HOOK3: variants seen among roughly 807,000 people sequenced by gnomAD.
The protein encoded by HOOK3 is hook microtubule tethering protein 3.
A neutral mutation model predicts 116.3 loss-of-function variants in HOOK3; 24 were observed. That is an observed-to-expected ratio of 0.21 (90% confidence interval 0.15 to 0.29). HOOK3 has a LOEUF of 0.29. Among genes scored for constraint, HOOK3 ranks in the 10% least tolerant of loss-of-function variants. HOOK3 has a pLI of 1.00. For synonymous variants in HOOK3, 275 were observed against 283.0 expected, an observed-to-expected ratio of 0.97 and a Z score of 0.28; for missense variants, 632 against 830.2, an observed-to-expected ratio of 0.76 and a Z score of 2.93.
chr8:42,921,899 C>T (rs889827738), intron 2 of HOOK3, among the ~76,000 whole-genome samples: 3 of 152,194 alleles, frequency 2.0e-5, no homozygotes, highest in African/African-American at 7.2e-5. Context: ...TTGTCCAGTA[C>T]TTGGTGAGGC....
intron 19 of HOOK3, among the ~76,000 whole-genome samples, chr8:43,012,092 A>G (rs1809624849): frequency 1.3e-5 from 2 of 152,212 alleles, no homozygotes; most frequent in African/African-American, 4.8e-5. Flanking sequence ...AGTCTAGCAG[A>G]CCAGATCAGA....
intron 13 of HOOK3, among the ~76,000 whole-genome samples, chr8:42,976,817 A>C (rs1486640303): frequency 6.6e-6 from 1 of 152,198 alleles, no homozygotes; most frequent in African/African-American, 2.4e-5. Flanking sequence ...GAATGGCGTG[A>C]ACCCGGGAGG....
chr8:42,987,178 C>A (rs1354199503), intron 15 of HOOK3, among the ~76,000 whole-genome samples: 4 of 152,114 alleles, frequency 2.6e-5, no homozygotes, highest in South Asian at 2.1e-4. Flanking sequence ...AACAAACAAA[C>A]AAAAAAACCA....
intron 15 of HOOK3, among the ~76,000 whole-genome samples, chr8:42,993,511 T>C (rs1238914850): frequency 6.6e-6 from 1 of 152,192 alleles, no homozygotes; most frequent in African/African-American, 2.4e-5. Flanking sequence ...CAGGGTAATA[T>C]TTGCCACATA....
At chr8:42,960,096 TGCTA>T (rs1001236950) in intron 8 of HOOK3, among the ~76,000 whole-genome samples, 1 of 152,230 alleles carries the variant, frequency 6.6e-6, no homozygotes, top group Non-Finnish European at 1.5e-5. Context: ...TATATACAAA[TGCTA>T]AGAGTTATAC....
intron 3 of HOOK3, among the ~76,000 whole-genome samples, chr8:42,926,642 G>T (rs1807771044): frequency 1.3e-5 from 2 of 152,180 alleles, no homozygotes; most frequent in African/African-American, 4.8e-5. Context: ...GTACTAAGAG[G>T]TTATGTGTAC....
At chr8:42,941,984 G>A (rs573128115) in intron 4 of HOOK3, among the ~76,000 whole-genome samples, 1 of 152,278 alleles carries the variant, frequency 6.6e-6, no homozygotes, top group Non-Finnish European at 1.5e-5. Context: ...TCTTGGCCAG[G>A]TACGGTGACT....
intron 4 of HOOK3, among the ~76,000 whole-genome samples, chr8:42,936,683 G>A (rs1036394036): frequency 1.2e-4 from 18 of 152,200 alleles, no homozygotes. Flanking sequence ...TTTATGTGAT[G>A]TATTATGTTT....
At chr8:42,960,094 A>G (rs536150043) in intron 8 of HOOK3, among the ~76,000 whole-genome samples, 12 of 152,372 alleles carry the variant, frequency 7.9e-5, no homozygotes, top group African/African-American at 2.9e-4. Flanking sequence ...TTTATATACA[A>G]ATGCTAAGAG....
rs565604288 is a variant in HOOK3 at position 42,963,504 on chromosome 8, G to A, written c.616-807G>A. On this transcript the variant is annotated intron_variant, in intron 8 of 21. Coordinates refer to ENST00000307602, the MANE Select transcript of HOOK3 (RefSeq NM_032410.4). The stretch of plus-strand genomic sequence containing the variant: ...TTCCTAAGTCTTCGTGTGGGCGTAT[G>A]CTTTTATTTCTCTGAGTAAATACCT... Among the ~76,000 whole-genome samples, 20 of 152,334 alleles carry A rather than the reference G, an allele frequency of 1.3e-4. No individual in the cohort carries two copies. In the South Asian group the frequency reaches 4.1e-3, roughly 32 times the overall value.
At chr8:42,987,316 G>A (rs977207998) in intron 15 of HOOK3, among the ~76,000 whole-genome samples, 1 of 152,164 alleles carries the variant, frequency 6.6e-6, no homozygotes, top group African/African-American at 2.4e-5. Context: ...TTTTAGAATG[G>A]TGTTGTCCTC....
intron 1 of HOOK3, among the ~76,000 whole-genome samples, chr8:42,898,371 C>T (rs1281488156): frequency 6.6e-6 from 1 of 152,164 alleles, no homozygotes; most frequent in Non-Finnish European, 1.5e-5. Context: ...AGTTAGCGTG[C>T]AGCTTACCCT....
At chr8:42,920,944 T>A (rs1807645260) in intron 2 of HOOK3, among the ~76,000 whole-genome samples, 1 of 152,138 alleles carries the variant, frequency 6.6e-6, no homozygotes, top group Non-Finnish European at 1.5e-5. Context: ...AGCAGCTGAT[T>A]TTGTTGTCTT....
At chr8:42,929,619 C>T (rs568680765) in intron 3 of HOOK3, among the ~76,000 whole-genome samples, 97 of 152,154 alleles carry the variant, frequency 6.4e-4, no homozygotes, top group African/African-American at 2.1e-3. Context: ...ACTAAAGAAA[C>T]AATAGTTTTT....
rs950362009 is a variant in HOOK3 at position 43,019,468 on chromosome 8, A to G, written c.*970A>G. On this transcript the variant is annotated 3_prime_UTR_variant, in exon 22 of 22. Transcript: ENST00000307602. ...TTTAATATAAACCCTTCCATTTTTTAACAATTCCTAACACTTGATATCTTA... is the reference window on the plus strand; with the variant it reads ...TTTAATATAAACCCTTCCATTTTTTGACAATTCCTAACACTTGATATCTTA... The G allele has an allele frequency of 4.8e-6, 1 of 207,444 alleles. No homozygotes were observed. Among genetic ancestry groups the G allele is most frequent in the Non-Finnish European group, 9.8e-6 (1 of 102,054 alleles). The allele number at this position is 207,444 out of a possible 1,614,324, so 12.9% of individuals were successfully genotyped here. A position where few individuals can be genotyped will look rare whatever the true frequency, so the allele number is the denominator to read the frequency against.
rs1298437183 is a variant in HOOK3 at position 42,974,088 on chromosome 8, T to C, written c.1234-19T>C. 3.2e-6 allele frequency: 5 copies of C among 1,583,570 alleles called. No homozygotes were observed. In the Admixed American group the frequency reaches 8.4e-5, roughly 26 times the overall value. On this transcript the variant is annotated intron_variant, in intron 12 of 21. Coordinates refer to ENST00000307602, the MANE Select transcript of HOOK3 (RefSeq NM_032410.4). Reference sequence around the variant, plus strand: ...CTTAAAACGTGAAGCTAACCCTCCATGTTTTTGTGTCTCTCCAGAGGCTGA... The same window carrying C: ...CTTAAAACGTGAAGCTAACCCTCCACGTTTTTGTGTCTCTCCAGAGGCTGA...
intron 13 of HOOK3, among the ~76,000 whole-genome samples, chr8:42,980,678 T>G (rs1400162127): frequency 6.6e-6 from 1 of 151,964 alleles, no homozygotes; most frequent in Non-Finnish European, 1.5e-5. Flanking sequence ...TCACCTGAGG[T>G]CAGGAGACCA....
intron 6 of HOOK3, among the ~76,000 whole-genome samples, chr8:42,954,389 G>T (rs552033762): frequency 5.9e-5 from 9 of 152,226 alleles, no homozygotes; most frequent in African/African-American, 1.7e-4. Flanking sequence ...CTCAGACCAA[G>T]ACTGGACACA....
intron 10 of HOOK3, among the ~76,000 whole-genome samples, chr8:42,967,103 C>CT (rs767513667): frequency 5.3e-5 from 8 of 152,040 alleles, no homozygotes; most frequent in Non-Finnish European, 1.2e-4. Context: ...CACTTTTGCT[C>CT]TTTGAATACT....
Sources: allele counts gnomAD v4.1 joint callset (sites outside exome capture counted in the v4.1 genomes callset), GRCh38; gene constraint gnomAD v4.1.1; transcripts MANE v1.5; gene names NCBI Gene and HGNC (gene_info 2026-07-23, HGNC 2026-07-21).